Variants in SERINC5 observed in about 807,000 individuals in gnomAD.
SERINC5 encodes the protein chromosome 5 open reading frame 12.
Under a neutral mutation model 63.1 loss-of-function variants are expected in SERINC5, and 41 were observed. The observed-to-expected ratio is 0.65, with a 90% CI of 0.51 to 0.84. The LOEUF (loss-of-function observed/expected upper bound fraction) is 0.84, where lower values mean the gene tolerates loss of function less well. Among genes scored for constraint, SERINC5 ranks in the 40% least tolerant of loss-of-function variants. The probability of loss-of-function intolerance (pLI) is 0.00; values close to 1 mark genes in which losing one functional copy is unlikely to be tolerated. For missense variants in SERINC5, 523 were observed against 573.0 expected, an observed-to-expected ratio of 0.91 and a Z score of 0.89; for synonymous variants, 222 against 215.2, an observed-to-expected ratio of 1.03 and a Z score of -0.28.
chr5:80,127,791 TTA>T (rs1425544183), intron 11 of SERINC5, among the ~76,000 whole-genome samples: 20 of 152,150 alleles, frequency 1.3e-4, no homozygotes, highest in Non-Finnish European at 2.4e-4. Flanking sequence ...TCCCAAATAT[TTA>T]TCAAACTTTC....
chr5:80,165,338 C>CA (rs1295953383), intron 7 of SERINC5, among the ~76,000 whole-genome samples: 1 of 152,070 alleles, frequency 6.6e-6, no homozygotes, highest in East Asian at 1.9e-4. Context: ...ATCACTGCAC[C>CA]AGCTTTCCAA....
intron 11 of SERINC5, among the ~76,000 whole-genome samples, chr5:80,125,035 T>G (rs1232770934): frequency 6.6e-6 from 1 of 152,214 alleles, no homozygotes; most frequent in Non-Finnish European, 1.5e-5. Context: ...ACAGTTGTCA[T>G]GTGTCACGTG....
chr5:80,198,804 A>G (rs904774190), intron 2 of SERINC5: 3 of 702,586 alleles, frequency 4.3e-6, no homozygotes, highest in Non-Finnish European at 5.2e-6. Context: ...CTGGAAAAGG[A>G]TTGGTTTCAC....
intron 9 of SERINC5, 99 bp from the exon 10 acceptor site, chr5:80,147,383 T>TGAATTGCCCGTATCCC: frequency 1.6e-6 from 2 of 1,254,288 alleles, no homozygotes; most frequent in African/African-American, 3.0e-5. Context: ...TCCCAGGCCC[T>TGAATTGCCCGTATCCC]TCAAAAGATG....
At chr5:80,250,147 A>C (rs1752340993) in intron 1 of SERINC5, among the ~76,000 whole-genome samples, 1 of 152,228 alleles carries the variant, frequency 6.6e-6, no homozygotes, top group Admixed American at 6.5e-5. Context: ...TCCTTGCAGT[A>C]GCCAGGATTT....
intron 2 of SERINC5, among the ~76,000 whole-genome samples, chr5:80,182,552 C>CA (rs1318049972): frequency 1.4e-5 from 2 of 141,340 alleles, no homozygotes; most frequent in Non-Finnish European, 1.5e-5. Flanking sequence ...CCGCCCCCCC[C>CA]CCCTCCGCTT....
rs569993572 is a variant in SERINC5 at position 80,232,798 on chromosome 5, AAAGG to A, written c.27+23094_27+23097del. The stretch of plus-strand genomic sequence containing the variant: ...ACTCCATCTCAAAAAAAAAAAATAA[AAAGG>A]AATGAAGTACTGACACGTGCTACAA... On this transcript the variant is annotated intron_variant, in intron 1 of 11. Coordinates refer to ENST00000507668, the MANE Select transcript of SERINC5 (RefSeq NM_001174072.3). Among the ~76,000 whole-genome samples the A allele has an allele frequency of 5.3e-3, 814 of 152,274 alleles. 4 individuals carry two copies. Among genetic ancestry groups the A allele is most frequent in the Admixed American group, 8.6e-3 (132 of 15,286 alleles).
chr5:80,206,192 C>T (rs1750155881), intron 1 of SERINC5, among the ~76,000 whole-genome samples: 3 of 151,990 alleles, frequency 2.0e-5, no homozygotes, highest in Admixed American at 2.0e-4. Context: ...AACCTAAAGC[C>T]CAACAATTCA....
In SERINC5 at chr5:80,191,480, A is replaced by G. The variant is rs1404186450; in HGVS notation, c.195+11406T>C. 9.8e-5 allele frequency among the ~76,000 whole-genome samples: 10 copies of G among 102,228 alleles called. No individual in the cohort carries two copies. The East Asian group carries it at 3.9e-3, about 40-fold the overall frequency. 67.1% of individuals were successfully genotyped at this position (102,228 alleles called of 152,430 possible). ...CAACATAGGGAGACTCCATCTCTAC[A>G]AAAAAAAAAAAAAAAGAAAAAAAAA... On this transcript the variant is annotated intron_variant, in intron 2 of 11. Transcript: ENST00000507668.
chr5:80,123,411 C>T (rs1341301424), intron 11 of SERINC5, among the ~76,000 whole-genome samples: 1 of 152,204 alleles, frequency 6.6e-6, no homozygotes, highest in Non-Finnish European at 1.5e-5. Context: ...CGTGAGCCTC[C>T]ATGCCTAGCT....
chr5:80,124,672 C>T lies in SERINC5; in HGVS notation c.1239-11047G>A, dbSNP rs149873366. Among the ~76,000 whole-genome samples, 449 of 152,254 alleles carry T rather than the reference C, an allele frequency of 2.9e-3. 5 individuals carry two copies. The highest frequency in any genetic ancestry group is 0.01 in the African/African-American group (417 of 41,554). The stretch of plus-strand genomic sequence containing the variant: ...TTAGAAATCTTGTCTTCTTGCAAAC[C>T]GGGTTCTCTGGTCCAAATGGCCAAA... On this transcript the variant is annotated intron_variant, in intron 11 of 12. Coordinates refer to the SERINC5 transcript ENST00000509193.
intron 3 of SERINC5, 84 bp downstream of exon 3, chr5:80,177,802 G>T: frequency 1.9e-6 from 2 of 1,047,146 alleles, no homozygotes; most frequent in Non-Finnish European, 2.7e-6. Flanking sequence ...CAGTCACAGT[G>T]TCTGGTGGGC....
intron 1 of SERINC5, among the ~76,000 whole-genome samples, chr5:80,217,458 C>G (rs1265278210): frequency 1.3e-5 from 2 of 152,120 alleles, no homozygotes; most frequent in African/African-American, 4.8e-5. Flanking sequence ...CCCGTATGCT[C>G]GGGGATGGAA....
intron 10 of SERINC5, 128 bp from the exon 11 acceptor site, chr5:80,146,362 G>C (rs192645195): frequency 1.9e-6 from 2 of 1,078,408 alleles, no homozygotes; most frequent in African/African-American, 3.1e-5. Context: ...TGTACCCTCT[G>C]GCAACTTCAA....
At chr5:80,225,687 A>G (rs4704641) in intron 1 of SERINC5, among the ~76,000 whole-genome samples, 91,097 of 151,994 alleles carry the variant, frequency 0.6, 27,587 homozygotes, top group African/African-American at 0.67. Context: ...ATACTGCCTT[A>G]AAAGAGTAGG....
At chr5:80,254,712 A>G (rs1412686373) in intron 1 of SERINC5, among the ~76,000 whole-genome samples, 1 of 152,196 alleles carries the variant, frequency 6.6e-6, no homozygotes, top group Non-Finnish European at 1.5e-5. Context: ...TCTGCCTGAC[A>G]CAGGGAAAAA....
At chr5:80,137,153 AAAAAAAAAAAC>A (rs1448744249), downstream of SERINC5, among the ~76,000 whole-genome samples, 9,117 of 132,090 alleles carry the variant, frequency 0.069, 126 homozygotes, top group South Asian at 0.11. Context: ...AAAAAAAAAA[AAAAAAAAAAAC>A]AAAAAAAACA....
In SERINC5 at chr5:80,197,133, G is replaced by C. The variant is rs561347407; in HGVS notation, c.195+5753C>G. 2.2e-4 allele frequency among the ~76,000 whole-genome samples: 34 copies of C among 152,096 alleles called. 1 individual carries two copies. The highest frequency in any genetic ancestry group is 2.0e-3 in the Admixed American group (30 of 15,272). On this transcript the variant is annotated intron_variant, in intron 2 of 11. Transcript: ENST00000507668. The stretch of plus-strand genomic sequence containing the variant: ...GGAGGCCTAGGCAGGCAAATCACCT[G>C]AGGTCAGGAGTTCGAGACCAGCCTG...
chr5:80,230,004 T>C (rs1220174892), intron 1 of SERINC5, among the ~76,000 whole-genome samples: 1 of 152,204 alleles, frequency 6.6e-6, no homozygotes, highest in African/African-American at 2.4e-5. Context: ...CACTAGCATC[T>C]CATTTCCTCA....
Sources: allele counts gnomAD v4.1 joint callset (sites outside exome capture counted in the v4.1 genomes callset), GRCh38; gene constraint gnomAD v4.1.1; transcripts MANE v1.5; gene names NCBI Gene and HGNC (gene_info 2026-07-23, HGNC 2026-07-21).